The following RAB8A variants were observed in gnomAD, a reference collection of about 807,000 sequenced individuals.
The protein encoded by RAB8A is RAB8A, member RAS oncogene family, also known as ras-related protein Rab-8A.
RAB8A carries 5 observed loss-of-function variants against 29.2 expected under a neutral mutation model. That is an observed-to-expected ratio of 0.17 (90% CI 0.09 to 0.36). RAB8A has a LOEUF of 0.36. RAB8A is among the 10% of genes least tolerant of loss of function. The pLI is 1.00. For synonymous variants in RAB8A, 108 were observed against 99.9 expected (o/e 1.08, Z -0.49); for missense variants, 171 against 272.2 (o/e 0.63, Z 2.62).
intron 3 of RAB8A, among the ~76,000 whole-genome samples, chr19:16,123,140 C>T (rs927890743): frequency 1.3e-5 from 2 of 152,160 alleles, no homozygotes; most frequent in African/African-American, 2.4e-5. Context: ...TGGCCTGCCC[C>T]GCTGAAGTTC....
chr19:16,123,063 T>A (rs1011994312), intron 3 of RAB8A, among the ~76,000 whole-genome samples: 1 of 152,238 alleles, frequency 6.6e-6, no homozygotes, highest in Admixed American at 6.5e-5. Flanking sequence ...ATTTTGGCTG[T>A]GAACCTCTTT....
rs140194208 is a variant in RAB8A, at chr19:16,115,816, G to A, written c.125-2410G>A. Among the ~76,000 whole-genome samples the A allele has an allele frequency of 5.4e-3, 828 of 152,262 alleles. 7 individuals carry two copies. Among genetic ancestry groups the A allele is most frequent in the Non-Finnish European group, 8.8e-3 (601 of 68,014 alleles). Reference sequence around the variant, plus strand: ...GAGACTTGTCAGTTCCCTGCCCCAGGGAGCTTACGTTTGAGAGGGCGAAAG... The same window carrying A: ...GAGACTTGTCAGTTCCCTGCCCCAGAGAGCTTACGTTTGAGAGGGCGAAAG... On this transcript the variant is annotated intron_variant, in intron 1 of 7. Coordinates refer to ENST00000300935, the MANE Select transcript of RAB8A (RefSeq NM_005370.5).
intron 2 of RAB8A, among the ~76,000 whole-genome samples, chr19:16,118,974 G>A (rs1007867175): frequency 6.6e-6 from 1 of 152,182 alleles, no homozygotes; most frequent in Non-Finnish European, 1.5e-5. Flanking sequence ...CATGCCACTC[G>A]CACAGAGTCA....
intron 2 of RAB8A, among the ~76,000 whole-genome samples, chr19:16,119,299 G>A (rs1043768875): frequency 3.3e-5 from 5 of 151,980 alleles, no homozygotes; most frequent in East Asian, 3.9e-4. Context: ...TCTGCCCCCC[G>A]GGTTCAAGTG....
chr19:16,129,318 C>CTCTGCGGAAGTGAGAGTTGATG (rs2090915284), intron 6 of RAB8A, among the ~76,000 whole-genome samples: 2 of 152,132 alleles, frequency 1.3e-5, no homozygotes, highest in African/African-American at 4.8e-5. Context: ...TGCTAAGGTG[C>CTCTGCGGAAGTGAGAGTTGATG]TCTGCGGAAG....
intron 4 of RAB8A, chr19:16,126,617 A>G (rs1273077038): frequency 6.6e-6 from 1 of 152,332 alleles, no homozygotes; most frequent in South Asian, 2.1e-4. Flanking sequence ...GGGCAACATC[A>G]GACAGGGTGG....
chr19:16,122,605 AGGCAGCTGCCTGTTTCCTCGATGAG>A lies in RAB8A; in HGVS notation c.246+802_246+826del, dbSNP rs2090880095. ...CGCATACCCCATCATTTAATTGCTC[AGGCAGCTGCCTGTTTCCTCGATGAG>A]GGCAGCGCCACATCCTGGTCCCTGC... On this transcript the variant is annotated intron_variant, in intron 3 of 7. Coordinates refer to ENST00000300935, the MANE Select transcript of RAB8A (RefSeq NM_005370.5). This position sits in a 1 kb window ranked among gnomAD's most constrained non-coding sequence, Gnocchi z 4.7. 6.6e-6 allele frequency among the ~76,000 whole-genome samples: 1 copy of A among 152,140 alleles called. No homozygotes were observed. Among genetic ancestry groups the A allele is most frequent in the African/African-American group, 2.4e-5 (1 of 41,430 alleles).
chr19:16,128,205 C>T (rs565042187), intron 6 of RAB8A, 114 bp downstream of exon 6: 2 of 1,101,956 alleles, frequency 1.8e-6, no homozygotes, highest in Admixed American at 2.1e-5. Context: ...GCCTCGGGCT[C>T]AGGGCTGCCA....
At position 16,132,270 on chromosome 19, in the gene RAB8A, AGAG is replaced by A; in HGVS notation, c.594_596del (p.Arg198del). 6.2e-7 allele frequency: 1 copy of A among 1,614,094 alleles called. No homozygotes were observed. The highest frequency in any genetic ancestry group is 8.5e-7 in the Non-Finnish European group (1 of 1,180,022). On this transcript the variant is annotated inframe_deletion, in exon 8 of 8. Coordinates refer to ENST00000300935, the MANE Select transcript of RAB8A (RefSeq NM_005370.5). This position sits in a 1 kb window ranked among gnomAD's most constrained non-coding sequence, Gnocchi z 5.6. ...GTCAAAATCACACCGGACCAGCAGA[AGAG>A]GAGCAGCTTTTTCCGATGTGTTCTT...
rs1017631274 is a variant in RAB8A, at chr19:16,127,734, G to A, written c.414+208G>A. 5 of 602,172 alleles carry A rather than the reference G, an allele frequency of 8.3e-6. No individual in the cohort carries two copies. The highest frequency in any genetic ancestry group is 2.9e-5 in the Admixed American group (1 of 33,986). The allele number at this position is 602,172 out of a possible 1,614,324, so 37.3% of individuals were successfully genotyped here. ...TCTCATCAAAACCTACCATGGCCCCGCTCCAGACTTTCAAGACCACAGGAG... is the reference window on the plus strand; with the variant it reads ...TCTCATCAAAACCTACCATGGCCCCACTCCAGACTTTCAAGACCACAGGAG... On this transcript the variant is annotated intron_variant, in intron 5 of 7. Transcript: ENST00000300935. The surrounding 1 kb of genome is among the most constrained non-coding windows in gnomAD (Gnocchi z 4.8).
chr19:16,124,994 CAG>C lies in RAB8A; in HGVS notation c.247-475_247-474del. 10 of 168,810 alleles carry C rather than the reference CAG, an allele frequency of 5.9e-5. No homozygotes were observed. The South Asian group carries it at 6.0e-4, about 10-fold the overall frequency. The allele number at this position is 168,810 out of a possible 1,614,324, so 10.5% of individuals were successfully genotyped here. ...ACTGGAAGTTGTGTGGATGTCGGGT[CAG>C]GACTTCCTGGGCTCAGTTGTGCCTG... On this transcript the variant is annotated intron_variant, in intron 3 of 7. Coordinates refer to ENST00000300935, the MANE Select transcript of RAB8A (RefSeq NM_005370.5).
intron 7 of RAB8A, 101 bp downstream of exon 7, chr19:16,129,705 GC>G: frequency 1.7e-6 from 2 of 1,179,526 alleles, no homozygotes; most frequent in African/African-American, 1.5e-5. Context: ...GCTTTTTAGG[GC>G]CCAGCCAGAC....
In RAB8A at chr19:16,127,791, G is replaced by C. The variant is rs2144995051; in HGVS notation, c.415-235G>C. The stretch of plus-strand genomic sequence containing the variant: ...ACAGAGCCATAGTTTGATCCCAGCA[G>C]GTCCCCGCCACCCTCCCATCTCAGC... On this transcript the variant is annotated intron_variant, in intron 5 of 7. Coordinates refer to ENST00000300935, the MANE Select transcript of RAB8A (RefSeq NM_005370.5). This position sits in a 1 kb window ranked among gnomAD's most constrained non-coding sequence, Gnocchi z 4.8. 1.6e-6 allele frequency: 1 copy of C among 624,324 alleles called. No homozygotes were observed. The highest frequency in any genetic ancestry group is 2.6e-5 in the Admixed American group (1 of 38,780). 38.7% of individuals were successfully genotyped at this position (624,324 alleles called of 1,614,324 possible). A position where few individuals can be genotyped will look rare whatever the true frequency, so the allele number is the denominator to read the frequency against.
intron 1 of RAB8A, 151 bp downstream of exon 1, chr19:16,112,176 C>A: frequency 8.3e-7 from 1 of 1,197,944 alleles, no homozygotes; most frequent in Non-Finnish European, 1.2e-6. Flanking sequence ...TCGCCTGCAC[C>A]GCCGTTCGGG....
At chr19:16,123,074 G>A (rs1201858631) in intron 3 of RAB8A, among the ~76,000 whole-genome samples, 1 of 152,192 alleles carries the variant, frequency 6.6e-6, no homozygotes, top group Non-Finnish European at 1.5e-5. Context: ...GAACCTCTTT[G>A]TGCAGGCGCC....
chr19:16,127,993 G>A lies in RAB8A; in HGVS notation c.415-33G>A, dbSNP rs1398594540. The A allele has an allele frequency of 1.2e-6, 2 of 1,610,786 alleles. No homozygotes were observed. The highest frequency in any genetic ancestry group is 2.2e-5 in the East Asian group (1 of 44,882). ...CAAGCTCAGATGCGCCCGGCGGCTG[G>A]TGTGCTCATGCGTGTGCCTCCCTCT... On this transcript the variant is annotated intron_variant, in intron 5 of 7. Transcript: ENST00000300935. This position sits in a 1 kb window ranked among gnomAD's most constrained non-coding sequence, Gnocchi z 4.8.
chr19:16,118,266 G>T lies in RAB8A; in HGVS notation c.165G>T (p.Lys55Asn). 6.2e-7 allele frequency: 1 copy of T among 1,611,684 alleles called. No individual in the cohort carries two copies. The highest frequency in any genetic ancestry group is 1.1e-5 in the South Asian group (1 of 91,066). The change falls in exon 2 of 8, where the codon AAG (lysine) becomes AAT (asparagine). Residue 55 changes from lysine to asparagine, a missense_variant. Physicochemically the swap from Lys to Asn is moderately conservative, Grantham distance 94 (BLOSUM62 0). Around this residue, in one of 3 missense-constraint regions of RAB8A, gnomAD observed 145 missense variants for 212.8 expected, o/e 0.68. Transcript: ENST00000300935. ...FKIRTIELDG[K>N]RIKLQIWDTA... ...TTAGGACCATAGAGCTCGATGGCAA[G>T]AGAATTAAACTGCAGATATGGTAAG...
chr19:16,132,258 C>G lies in RAB8A; in HGVS notation c.578C>G (p.Pro193Arg). ...QGSNQGVKIT[P>R]DQQKRSSFFR... ...AGCAACCAGGGAGTCAAAATCACACCGGACCAGCAGAAGAGGAGCAGCTTT... is the reference window on the plus strand; with the variant it reads ...AGCAACCAGGGAGTCAAAATCACACGGGACCAGCAGAAGAGGAGCAGCTTT... Residue 193 changes from proline (P) to arginine (R), a missense_variant, in exon 8 of 8, where the codon CCG becomes CGG. Pro to Arg is a moderately radical substitution (Grantham distance 103). Transcript: ENST00000300935. The surrounding 1 kb of genome is among the most constrained non-coding windows in gnomAD (Gnocchi z 5.6). The G allele has an allele frequency of 6.2e-7, 1 of 1,614,034 alleles. No individual in the cohort carries two copies. The highest frequency in any genetic ancestry group is 8.5e-7 in the Non-Finnish European group (1 of 1,180,014).
intron 1 of RAB8A, among the ~76,000 whole-genome samples, chr19:16,116,713 C>T (rs1039076832): frequency 5.9e-5 from 9 of 151,998 alleles, no homozygotes; most frequent in Admixed American, 6.6e-5. Flanking sequence ...CGCGTGCCGG[C>T]AGTCCCAGCT....
Sources: gnomAD v4.1 joint callset for allele counts (sites outside exome capture counted in the v4.1 genomes callset) on GRCh38, gnomAD v4.1.1 for gene constraint, gnomAD v4.1.1 regional missense constraint, Gnocchi (gnomAD v3.1) non-coding constraint, MANE v1.5 for transcripts, NCBI Gene and HGNC (gene_info 2026-07-23, HGNC 2026-07-21) for gene names.